SLC2A1: variants seen among roughly 807,000 people sequenced by gnomAD.
The protein encoded by SLC2A1 is solute carrier family 2, facilitated glucose transporter member 1.
A neutral mutation model predicts 46.6 loss-of-function variants in SLC2A1; 4 were observed. The ratio of observed to expected loss-of-function variants is 0.09; its 90% confidence interval spans 0.04 to 0.20. SLC2A1 has a LOEUF of 0.20. Among genes scored for constraint, SLC2A1 ranks in the 10% least tolerant of loss-of-function variants. The pLI is 1.00. For synonymous variants in SLC2A1, 253 were observed against 270.0 expected (o/e 0.94, Z 0.62); for missense variants, 352 against 667.0 (o/e 0.53, Z 5.20).
At chr1:42,945,073 G>A (rs1279920262) in intron 1 of SLC2A1, among the ~76,000 whole-genome samples, 2 of 152,224 alleles carry the variant, frequency 1.3e-5, no homozygotes, top group South Asian at 2.1e-4. Flanking sequence ...GCTGTGGCAA[G>A]GCACTAAGCA....
rs1159593580 is a variant in SLC2A1 at position 42,927,066 on chromosome 1, G to A, written c.1454C>T (p.Pro485Leu). ...TCACACTTGGGAATCAGCCCCCAGG[G>A]GATGGAACAGCTCCTCGGGTGTCTT... ...SDKTPEELFH[P>L]LGADSQV Residue 485 changes from proline to leucine, a missense_variant, in exon 10 of 10, where the codon CCC becomes CTC. Around this residue, in one of 5 missense-constraint regions of SLC2A1, gnomAD observed 41 missense variants for 49.1 expected, o/e 0.83. Coordinates refer to ENST00000426263, the MANE Select transcript of SLC2A1 (RefSeq NM_006516.4). This position sits in a 1 kb window ranked among gnomAD's most constrained non-coding sequence, Gnocchi z 5.3. The A allele has an allele frequency of 6.2e-7, 1 of 1,614,032 alleles. No homozygotes were observed. Among genetic ancestry groups the A allele is most frequent in the African/African-American group, 1.3e-5 (1 of 74,918 alleles).
intron 1 of SLC2A1, among the ~76,000 whole-genome samples, chr1:42,946,604 A>G (rs1443826928): frequency 1.3e-5 from 2 of 152,210 alleles, no homozygotes; most frequent in Non-Finnish European, 2.9e-5. Context: ...TGAAGGACAC[A>G]CAGAGAGTCT....
chr1:42,947,383 G>A (rs925710673), intron 1 of SLC2A1, among the ~76,000 whole-genome samples: 3 of 152,008 alleles, frequency 2.0e-5, no homozygotes, highest in East Asian at 3.9e-4. Flanking sequence ...CTCTTGCTAT[G>A]TCCTCTGCAG....
chr1:42,934,504 C>T (rs74068375), intron 2 of SLC2A1, among the ~76,000 whole-genome samples: 5,690 of 152,194 alleles, frequency 0.037, 252 homozygotes, highest in African/African-American at 0.1. Context: ...CCTGGGGATT[C>T]GTATGGGGTT....
intron 1 of SLC2A1, among the ~76,000 whole-genome samples, chr1:42,953,943 A>G (rs1415588630): frequency 2.0e-5 from 3 of 152,202 alleles, no homozygotes; most frequent in African/African-American, 7.2e-5. Flanking sequence ...AATTTAGGGC[A>G]CGGGGCCAGT....
Position 42,933,085 on chromosome 1 carries a change from A to G in SLC2A1, c.115-1879T>C, listed in dbSNP as rs531578639. On this transcript the variant is annotated intron_variant, in intron 2 of 9. Transcript: ENST00000426263. ...TGTGAGTTTCCATGGCCCCATTTCT[A>G]AAGTGCAGACATTAGCAGGAGCTGC... is the stretch of plus-strand genomic sequence containing the variant. Among the ~76,000 whole-genome samples, 800 of 152,292 alleles carry G rather than the reference A, an allele frequency of 5.3e-3. 6 individuals carry two copies. Among genetic ancestry groups the G allele is most frequent in the Non-Finnish European group, 7.3e-3 (498 of 68,036 alleles).
chr1:42,953,500 C>T (rs562322348), intron 1 of SLC2A1, among the ~76,000 whole-genome samples: 8 of 152,320 alleles, frequency 5.3e-5, no homozygotes, highest in East Asian at 1.9e-4. Flanking sequence ...TCCCAGCCTC[C>T]GCCATCATGG....
chr1:42,928,811 C>T, intron 8 of SLC2A1, 121 bp downstream of exon 8: 1 of 872,280 alleles, frequency 1.1e-6, no homozygotes, highest in Non-Finnish European at 1.9e-6. Flanking sequence ...GTCAGACCCA[C>T]AGCCAGGGAG....
rs1393465480 is a variant in SLC2A1 at position 42,930,788 on chromosome 1, G to A, written c.354C>T (p.Ser118=). The change falls in exon 4 of 10, where the codon TCC becomes TCT. Residue 118 remains serine, a synonymous_variant. Coordinates refer to ENST00000426263, the MANE Select transcript of SLC2A1 (RefSeq NM_006516.4). The surrounding 1 kb of genome is among the most constrained non-coding windows in gnomAD (Gnocchi z 6.2). ...VLMGFSKLGK[S]FEMLILGRFI... ...AGCGGCCCAGGATCAGCATCTCAAA[G>A]GACTTGCCCAGTTTCGAGAAGCCCA... 4.4e-6 allele frequency: 7 copies of A among 1,602,982 alleles called. No homozygotes were observed. In the Admixed American group the frequency reaches 1.0e-4, roughly 23 times the overall value.
At chr1:42,955,142 A>C (rs1643759433) in intron 1 of SLC2A1, among the ~76,000 whole-genome samples, 1 of 152,240 alleles carries the variant, frequency 6.6e-6, no homozygotes, top group Non-Finnish European at 1.5e-5. Context: ...GCCAAGGCCC[A>C]GGTACAAGTC....
At position 42,931,149 on chromosome 1, in the gene SLC2A1, G is replaced by A. The variant is rs765479065; in HGVS notation, c.172C>T (p.Pro58Ser). Residue 58 changes from proline to serine, a missense_variant, in exon 3 of 10, where the codon CCC becomes TCC. Pro to Ser is a moderately conservative substitution (Grantham distance 74). Coordinates refer to ENST00000426263, the MANE Select transcript of SLC2A1 (RefSeq NM_006516.4). ...WVHRYGESIL[P>S]TTLTTLWSLS... ...GACCAGAGCGTGGTGAGCGTGGTGGGCAGGATGCTCTCCCCATAGCGGTGG... is the reference window on the plus strand; with the variant it reads ...GACCAGAGCGTGGTGAGCGTGGTGGACAGGATGCTCTCCCCATAGCGGTGG... The A allele has an allele frequency of 3.5e-5, 56 of 1,614,006 alleles. No individual in the cohort carries two copies. Among genetic ancestry groups the A allele is most frequent in the Non-Finnish European group, 4.7e-5 (56 of 1,179,990 alleles).
At chr1:42,932,627 T>C (rs1207304581) in intron 2 of SLC2A1, among the ~76,000 whole-genome samples, 1 of 151,994 alleles carries the variant, frequency 6.6e-6, no homozygotes, top group African/African-American at 2.4e-5. Flanking sequence ...ATGCAGCCTC[T>C]GCAGCCTCCA....
Position 42,943,304 on chromosome 1 carries a change from G to A in SLC2A1, c.36C>T (p.Leu12=). ...GCACTGCTCCTCCCACGGCCAGCAT[G>A]AGGCGACCCGTCAGCTTCTGCGGAG... ...EPSSKKLTGR[L]MLAVGGAVLG... Residue 12 remains leucine (L), a synonymous_variant, in exon 2 of 10, where the codon CTC becomes CTT. Transcript: ENST00000426263. 3 of 1,613,810 alleles carry A rather than the reference G, an allele frequency of 1.9e-6. No individual in the cohort carries two copies. Among genetic ancestry groups the A allele is most frequent in the Non-Finnish European group, 2.5e-6 (3 of 1,179,844 alleles).
At chr1:42,941,252 C>T (rs543596065) in intron 2 of SLC2A1, among the ~76,000 whole-genome samples, 34 of 152,272 alleles carry the variant, frequency 2.2e-4, no homozygotes, top group Non-Finnish European at 4.6e-4. Flanking sequence ...GTCCATGCTC[C>T]CTAGCTGGGC....
intron 1 of SLC2A1, among the ~76,000 whole-genome samples, chr1:42,957,854 TC>T (rs1278449853): frequency 6.6e-6 from 1 of 151,876 alleles, no homozygotes; most frequent in South Asian, 2.1e-4. Context: ...GGCCCCCAGA[TC>T]CCCCGCCCCT....
intron 1 of SLC2A1, among the ~76,000 whole-genome samples, chr1:42,944,880 A>C (rs2124463504): frequency 6.6e-6 from 1 of 152,058 alleles, no homozygotes; most frequent in East Asian, 1.9e-4. Flanking sequence ...AACTAGAAAG[A>C]CAGCCCCCAC....
chr1:42,946,203 C>T (rs115384944), intron 1 of SLC2A1, among the ~76,000 whole-genome samples: 4 of 152,296 alleles, frequency 2.6e-5, no homozygotes, highest in South Asian at 2.1e-4. Context: ...CAAGGACATA[C>T]CCCTCCGCTG....
rs1308746224 is a variant in SLC2A1 at position 42,926,507 on chromosome 1, T to C, written c.*534A>G. 1 of 290,668 alleles carries C rather than the reference T, an allele frequency of 3.4e-6. No homozygotes were observed. Among genetic ancestry groups the C allele is most frequent in the Non-Finnish European group, 6.9e-6 (1 of 144,398 alleles). The allele number at this position is 290,668 out of a possible 1,614,324, so 18.0% of individuals were successfully genotyped here. On this transcript the variant is annotated 3_prime_UTR_variant, in exon 10 of 10. Coordinates refer to ENST00000426263, the MANE Select transcript of SLC2A1 (RefSeq NM_006516.4). ...AGAAAGATTAATTTGAGTGGTTGGGTAGGAAGAGATGGGAAGGGGCAAATC... is the reference window on the plus strand; with the variant it reads ...AGAAAGATTAATTTGAGTGGTTGGGCAGGAAGAGATGGGAAGGGGCAAATC...
rs2124473859 is a variant in SLC2A1, at chr1:42,954,254, C to T, written c.18+4380G>A. 6.6e-6 allele frequency among the ~76,000 whole-genome samples: 1 copy of T among 152,176 alleles called. No homozygotes were observed. The highest frequency in any genetic ancestry group is 2.1e-4 in the South Asian group (1 of 4,822). The stretch of plus-strand genomic sequence containing the variant: ...CACAGCTAGGCCAGGCGCGGTGGCT[C>T]ACACCTGTAATCCCAGCACTTTGGG... On this transcript the variant is annotated intron_variant, in intron 1 of 9. Transcript: ENST00000426263. The surrounding 1 kb of genome is among the most constrained non-coding windows in gnomAD (Gnocchi z 4.2).
Sources: gnomAD v4.1 joint callset for allele counts (sites outside exome capture counted in the v4.1 genomes callset) on GRCh38, gnomAD v4.1.1 for gene constraint, gnomAD v4.1.1 regional missense constraint, Gnocchi (gnomAD v3.1) non-coding constraint, MANE v1.5 for transcripts, NCBI Gene and HGNC (gene_info 2026-07-23, HGNC 2026-07-21) for gene names.